RPS6KA2: variants seen among roughly 807,000 people sequenced by gnomAD.
RPS6KA2 encodes the protein ribosomal protein S6 kinase A2.
Under a neutral mutation model 91.8 loss-of-function variants are expected in RPS6KA2, and 42 were observed. The observed-to-expected ratio is 0.46, with a 90% confidence interval of 0.36 to 0.59. RPS6KA2 has a LOEUF of 0.59. Ranked by LOEUF, RPS6KA2 falls within the 20% of genes least tolerant of loss-of-function variation. The pLI is 0.00. For synonymous variants in RPS6KA2, 414 were observed against 393.6 expected, an observed-to-expected ratio of 1.05 and a Z score of -0.61; for missense variants, 798 against 978.5, an observed-to-expected ratio of 0.82 and a Z score of 2.46.
intron 2 of RPS6KA2, among the ~76,000 whole-genome samples, chr6:166,738,002 T>C (rs924380795): frequency 1.3e-5 from 2 of 152,240 alleles, no homozygotes; most frequent in African/African-American, 2.4e-5. Flanking sequence ...AGAATTTATA[T>C]GCATTCATAC....
chr6:166,424,310 T>A (rs1423270276), intron 16 of RPS6KA2, among the ~76,000 whole-genome samples: 1 of 145,326 alleles, frequency 6.9e-6, no homozygotes, highest in African/African-American at 2.9e-5. Context: ...TTGACTGTAC[T>A]GGGAAAACCT....
Position 166,491,586 on chromosome 6 carries a change from C to T in RPS6KA2, c.748-845G>A, listed in dbSNP as rs377116774. Among the ~76,000 whole-genome samples, 19 of 152,310 alleles carry T rather than the reference C, an allele frequency of 1.2e-4. No homozygotes were observed. In the East Asian group the frequency reaches 2.7e-3, roughly 22 times the overall value. On this transcript the variant is annotated intron_variant, in intron 8 of 20. Transcript: ENST00000265678. ...GATCAATCCTACTCGGTGTCTTTCA[C>T]GTCAGTTTAAATTACGGGGAAGCAG... is the stretch of plus-strand genomic sequence containing the variant.
rs1241827220 is a variant in RPS6KA2, at chr6:166,770,190, C to A, written c.123+88010G>T. On this transcript the variant is annotated intron_variant, in intron 2 of 21. Coordinates refer to the RPS6KA2 transcript ENST00000503859. The surrounding 1 kb of genome is among the most constrained non-coding windows in gnomAD (Gnocchi z 5.1). ...CACATGTGGCGTGACTACCGACTTACTACATTTCACCTGAGTGTTGCAGCC... is the reference window on the plus strand; with the variant it reads ...CACATGTGGCGTGACTACCGACTTAATACATTTCACCTGAGTGTTGCAGCC... Among the ~76,000 whole-genome samples the A allele has an allele frequency of 2.6e-5, 4 of 152,212 alleles. No homozygotes were observed. The highest frequency in any genetic ancestry group is 4.8e-5 in the African/African-American group (2 of 41,452).
At chr6:166,842,608 C>A (rs1227503177) in intron 2 of RPS6KA2, among the ~76,000 whole-genome samples, 1 of 152,202 alleles carries the variant, frequency 6.6e-6, no homozygotes, top group African/African-American at 2.4e-5. Flanking sequence ...AGCACTGAAG[C>A]CAGAGGGGCT....
chr6:166,508,542 C>CT lies in RPS6KA2; in HGVS notation c.380-261dup, dbSNP rs976108777. 3.9e-5 allele frequency among the ~76,000 whole-genome samples: 6 copies of CT among 152,200 alleles called. No homozygotes were observed. The highest frequency in any genetic ancestry group is 6.5e-5 in the Admixed American group (1 of 15,284). ...TCTTTCTTTCCTCTCCCCTCCCTCC[C>CT]TTTTTTAATCACAAAGGAATTGAAA... On this transcript the variant is annotated intron_variant, in intron 4 of 20. Coordinates refer to ENST00000265678, the MANE Select transcript of RPS6KA2 (RefSeq NM_021135.6). This position sits in a 1 kb window ranked among gnomAD's most constrained non-coding sequence, Gnocchi z 4.3.
At chr6:166,440,274 G>A (rs1368087163) in intron 14 of RPS6KA2, 2 of 152,192 alleles carry the variant, frequency 1.3e-5, no homozygotes, top group Non-Finnish European at 2.9e-5. Flanking sequence ...CGGGGACCCG[G>A]TAGTGGGCAG....
chr6:166,606,026 A>G (rs1785940225), intron 1 of RPS6KA2, among the ~76,000 whole-genome samples: 1 of 152,230 alleles, frequency 6.6e-6, no homozygotes, highest in Non-Finnish European at 1.5e-5. Flanking sequence ...ATGAGTGTCT[A>G]CAAGAGGGCA....
intron 3 of RPS6KA2, among the ~76,000 whole-genome samples, chr6:166,523,782 C>T (rs761472195): frequency 6.6e-6 from 1 of 152,198 alleles, no homozygotes; most frequent in Non-Finnish European, 1.5e-5. Flanking sequence ...TGCCTTCTAA[C>T]GAAGCATCTC....
chr6:166,449,158 A>T (rs1302524540), intron 13 of RPS6KA2, among the ~76,000 whole-genome samples: 1 of 152,204 alleles, frequency 6.6e-6, no homozygotes, highest in Admixed American at 6.5e-5. Context: ...AGTGAAAAGG[A>T]AGTGCTGGCA....
chr6:166,845,434 A>G (rs1269084474), intron 2 of RPS6KA2, among the ~76,000 whole-genome samples: 2 of 152,186 alleles, frequency 1.3e-5, no homozygotes, highest in East Asian at 3.8e-4. Flanking sequence ...CACATGTAAC[A>G]TTCTCCAAGA....
intron 2 of RPS6KA2, among the ~76,000 whole-genome samples, chr6:166,811,402 G>A (rs1290963087): frequency 6.6e-6 from 1 of 152,180 alleles, no homozygotes; most frequent in African/African-American, 2.4e-5. Flanking sequence ...TTTTCCACCT[G>A]AAGGGGCTGC....
In RPS6KA2 at chr6:166,612,639, G is replaced by T. The variant is rs866283914; in HGVS notation, c.99+14282C>A. ...AGACACTGCTTTGCAGAGCCCGTGGGCTGTGCTCCATTTATCACTCTGTCC... is the reference window on the plus strand; with the variant it reads ...AGACACTGCTTTGCAGAGCCCGTGGTCTGTGCTCCATTTATCACTCTGTCC... On this transcript the variant is annotated intron_variant, in intron 1 of 20. Transcript: ENST00000265678. This position sits in a 1 kb window ranked among gnomAD's most constrained non-coding sequence, Gnocchi z 4.3. 1.4e-4 allele frequency among the ~76,000 whole-genome samples: 21 copies of T among 152,298 alleles called. No homozygotes were observed. The highest frequency in any genetic ancestry group is 3.4e-3 in the Middle Eastern group (1 of 294).
chr6:166,758,354 T>C (rs913329550), intron 2 of RPS6KA2, among the ~76,000 whole-genome samples: 1 of 152,222 alleles, frequency 6.6e-6, no homozygotes, highest in Admixed American at 6.5e-5. Flanking sequence ...TAACTCGGAA[T>C]ATGTCCTCTC....
At chr6:166,698,828 C>T (rs767851155) in intron 2 of RPS6KA2, among the ~76,000 whole-genome samples, 15 of 152,040 alleles carry the variant, frequency 9.9e-5, no homozygotes, top group South Asian at 2.1e-4. Context: ...GGTTGGAGGA[C>T]GGAAAATGGA....
Position 166,510,275 on chromosome 6 carries a change from A to G in RPS6KA2, c.379+2T>C, listed in dbSNP as rs1782415207. ...TTAAAGTGTCATTTTGACTCTACTT[A>G]CCATAATGAAGCTTCACAATGAAGG... is the stretch of plus-strand genomic sequence containing the variant. On this transcript the variant is annotated splice_donor_variant, in intron 4 of 20. Transcript: ENST00000265678. LOFTEE classifies it high-confidence loss of function. The G allele has an allele frequency of 6.3e-7, 1 of 1,582,816 alleles. No individual in the cohort carries two copies. The highest frequency in any genetic ancestry group is 1.7e-4 in the Middle Eastern group (1 of 6,020).
intron 1 of RPS6KA2, among the ~76,000 whole-genome samples, chr6:166,552,096 C>A (rs1197675299): frequency 6.6e-6 from 1 of 152,188 alleles, no homozygotes; most frequent in African/African-American, 2.4e-5. Flanking sequence ...TCCTTGTTAC[C>A]CAGTGCTGCT....
chr6:166,828,417 C>G (rs1235033110), intron 2 of RPS6KA2, among the ~76,000 whole-genome samples: 1 of 152,262 alleles, frequency 6.6e-6, no homozygotes, highest in Non-Finnish European at 1.5e-5. Flanking sequence ...ACGTTGGGCT[C>G]ATGCCGTATC....
Position 166,554,701 on chromosome 6 carries a change from A to T in RPS6KA2, c.100-15917T>A, listed in dbSNP as rs1784127746. ...GGGGGCAAAACCAACCTGCTGTCTG[A>T]AAGGGTTTTGTTTTTTTGTTTTTTT... On this transcript the variant is annotated intron_variant, in intron 1 of 20. Coordinates refer to ENST00000265678, the MANE Select transcript of RPS6KA2 (RefSeq NM_021135.6). This position sits in a 1 kb window ranked among gnomAD's most constrained non-coding sequence, Gnocchi z 4.3. Among the ~76,000 whole-genome samples, 1 of 152,208 alleles carries T rather than the reference A, an allele frequency of 6.6e-6. No homozygotes were observed. Among genetic ancestry groups the T allele is most frequent in the Non-Finnish European group, 1.5e-5 (1 of 68,032 alleles).
At chr6:166,525,841 C>A (rs1783006687) in intron 3 of RPS6KA2, among the ~76,000 whole-genome samples, 1 of 152,196 alleles carries the variant, frequency 6.6e-6, no homozygotes, top group African/African-American at 2.4e-5. Context: ...AATGATCTCA[C>A]AAATCAGGGA....
Sources: gnomAD v4.1 joint callset for allele counts (sites outside exome capture counted in the v4.1 genomes callset) on GRCh38, gnomAD v4.1.1 for gene constraint, Gnocchi (gnomAD v3.1) non-coding constraint, MANE v1.5 for transcripts, NCBI Gene and HGNC (gene_info 2026-07-23, HGNC 2026-07-21) for gene names.